AMOTL1: variants seen among roughly 807,000 people sequenced by gnomAD.
AMOTL1 encodes the protein angiomotin like 1.
In AMOTL1, 45 loss-of-function variants were observed where a neutral mutation model predicts 102.9. The ratio of observed to expected loss-of-function variants is 0.44; its 90% CI spans 0.34 to 0.56. The LOEUF is 0.56. Among genes scored for constraint, AMOTL1 ranks in the 20% least tolerant of loss-of-function variants. The pLI is 0.01. For synonymous variants in AMOTL1, 481 were observed against 484.7 expected, an observed-to-expected ratio of 0.99 and a Z score of 0.10; for missense variants, 1,114 against 1,225.6, an observed-to-expected ratio of 0.91 and a Z score of 1.36.
chr11:94,809,544 T>G (rs1166510650), intron 3 of AMOTL1, among the ~76,000 whole-genome samples: 3 of 152,242 alleles, frequency 2.0e-5, no homozygotes, highest in Admixed American at 2.0e-4. Context: ...CTGTGATTCT[T>G]AGCTCATGGT....
intron 2 of AMOTL1, among the ~76,000 whole-genome samples, chr11:94,733,161 A>G (rs1340890985): frequency 1.3e-5 from 2 of 152,150 alleles, no homozygotes; most frequent in African/African-American, 4.8e-5. Context: ...AGGTCTTCAT[A>G]CTCCAGAGCT....
rs953038707 is a variant in AMOTL1, at chr11:94,871,860, C to T, written c.*1065C>T. On this transcript the variant is annotated 3_prime_UTR_variant, in exon 13 of 13. Transcript: ENST00000433060. ...TGTTTGGGGAAGACTTAGGACAGCA[C>T]TCCAGGAAACAGATGACAATTTACA... 1.3e-5 allele frequency: 2 copies of T among 152,102 alleles called. No individual in the cohort carries two copies. Among genetic ancestry groups the T allele is most frequent in the Non-Finnish European group, 2.9e-5 (2 of 68,028 alleles). The allele number at this position is 152,102 out of a possible 1,614,324, so 9.4% of individuals were successfully genotyped here.
At position 94,821,421 on chromosome 11, in the gene AMOTL1, T is replaced by C. The variant is rs1030675459; in HGVS notation, c.1122-109T>C. 4 of 1,186,620 alleles carry C rather than the reference T, an allele frequency of 3.4e-6. No homozygotes were observed. In the East Asian group the frequency reaches 1.0e-4, roughly 30 times the overall value. The allele number at this position is 1,186,620 out of a possible 1,614,324, so 73.5% of individuals were successfully genotyped here. ...GAATACCTCCCACTGGGAAGTGCAC[T>C]GATGGCCTCTGACCATGGAAGCCAT... On this transcript the variant is annotated intron_variant, in intron 3 of 12. Coordinates refer to ENST00000433060, the MANE Select transcript of AMOTL1 (RefSeq NM_130847.3).
At chr11:94,774,711 C>T (rs942305524) in intron 1 of AMOTL1, among the ~76,000 whole-genome samples, 4 of 152,170 alleles carry the variant, frequency 2.6e-5, no homozygotes, top group African/African-American at 4.8e-5. Flanking sequence ...ATTTCTAACA[C>T]GTTTCCAAGC....
At chr11:94,706,538 C>T (rs1017453504) in exon 1 of AMOTL1, 6 of 152,238 alleles carry the variant, frequency 3.9e-5, no homozygotes, top group Admixed American at 6.5e-5. Flanking sequence ...CTGTGAGTCC[C>T]TGTCACTTCT....
rs779742414 is a variant in AMOTL1, at chr11:94,866,083, TG to T, written c.2406del (p.Thr803HisfsTer27). On this transcript the variant is annotated frameshift_variant, in exon 11 of 13. Coordinates refer to ENST00000433060, the MANE Select transcript of AMOTL1 (RefSeq NM_130847.3). LOFTEE classifies it high-confidence loss of function. ...RSVPSIAAAT[G>X]THSRQTSLTS... ...CCGTTCCATCCATAGCAGCAGCTAC[TG>T]GGACACACTCTCGCCAGACCTCTCT... 4.3e-6 allele frequency: 7 copies of T among 1,613,990 alleles called. No homozygotes were observed.
chr11:94,763,470 G>T (rs1006867983), upstream of AMOTL1, among the ~76,000 whole-genome samples: 1 of 152,146 alleles, frequency 6.6e-6, no homozygotes, highest in South Asian at 2.1e-4. Flanking sequence ...ACACACTAGA[G>T]TTGACCCTTG....
intron 8 of AMOTL1, among the ~76,000 whole-genome samples, chr11:94,857,463 T>A (rs1204389212): frequency 6.6e-6 from 1 of 152,130 alleles, no homozygotes; most frequent in Non-Finnish European, 1.5e-5. Flanking sequence ...AAAGAAAAGC[T>A]CTTAATCAAC....
At chr11:94,707,238 C>CTGTG (rs1949943706) in intron 1 of AMOTL1, among the ~76,000 whole-genome samples, 1 of 82,906 alleles carries the variant, frequency 1.2e-5, no homozygotes, top group African/African-American at 3.4e-5. Context: ...CTCTCTCTCT[C>CTGTG]TCTCTCTCTC....
intron 7 of AMOTL1, 139 bp downstream of exon 7, chr11:94,850,398 C>G: frequency 8.3e-7 from 1 of 1,202,632 alleles, no homozygotes; most frequent in Non-Finnish European, 1.1e-6. Context: ...TGGGAAACTT[C>G]TCAAATAAAA....
Position 94,800,233 on chromosome 11 carries a change from C to G in AMOTL1, c.1043C>G (p.Pro348Arg), listed in dbSNP as rs1565357621. 9 of 1,613,992 alleles carry G rather than the reference C, an allele frequency of 5.6e-6. No homozygotes were observed. Among genetic ancestry groups the G allele is most frequent in the Non-Finnish European group, 7.6e-6 (9 of 1,179,880 alleles). Residue 348 changes from proline (P) to arginine (R), a missense_variant, in exon 3 of 13, where the codon CCC becomes CGC. By Grantham distance (103) the Pro-to-Arg change is moderately radical. Transcript: ENST00000433060. ...GGGATGCTCCACGAGATGGTCAAGCCCTACCCTGCTCCTCAGCCTGTGAGA... is the reference window on the plus strand; with the variant it reads ...GGGATGCTCCACGAGATGGTCAAGCGCTACCCTGCTCCTCAGCCTGTGAGA... ...HPGMLHEMVK[P>R]YPAPQPVRTD...
At chr11:94,846,055 G>A (rs981802360) in intron 6 of AMOTL1, among the ~76,000 whole-genome samples, 2 of 152,138 alleles carry the variant, frequency 1.3e-5, no homozygotes, top group Non-Finnish European at 2.9e-5. Flanking sequence ...GTTATCTCCC[G>A]AAGGATGACT....
chr11:94,767,235 G>A (rs1950865881), upstream of AMOTL1, among the ~76,000 whole-genome samples: 1 of 152,134 alleles, frequency 6.6e-6, no homozygotes, highest in South Asian at 2.1e-4. Flanking sequence ...GTGTGTACCA[G>A]GGTAGATGAC....
chr11:94,719,382 A>G lies in AMOTL1; in HGVS notation c.-50-9539A>G, dbSNP rs1950142547. ...GGGGTGTATGATAAAAAATTACTAAATAAGTATAATGTACATTATATGAGT... is the reference window on the plus strand; with the variant it reads ...GGGGTGTATGATAAAAAATTACTAAGTAAGTATAATGTACATTATATGAGT... On this transcript the variant is annotated intron_variant, in intron 1 of 4. Transcript: ENST00000299004. Among the ~76,000 whole-genome samples, 5 of 152,198 alleles carry G rather than the reference A, an allele frequency of 3.3e-5. No individual in the cohort carries two copies. The South Asian group carries it at 1.0e-3, about 32-fold the overall frequency.
chr11:94,744,685 C>A (rs1460710626), intron 3 of AMOTL1, among the ~76,000 whole-genome samples: 16 of 152,090 alleles, frequency 1.1e-4, no homozygotes, highest in Admixed American at 1.0e-3. Context: ...CTATTTATTT[C>A]TGCACCTACA....
chr11:94,745,939 T>C (rs1398145145), intron 3 of AMOTL1, among the ~76,000 whole-genome samples: 1 of 152,168 alleles, frequency 6.6e-6, no homozygotes, highest in South Asian at 2.1e-4. Context: ...TATTTAGTGA[T>C]TCGTCCCTGG....
intron 1 of AMOTL1, among the ~76,000 whole-genome samples, chr11:94,708,441 T>A (rs192719146): frequency 1.9e-3 from 291 of 152,316 alleles, no homozygotes; most frequent in Non-Finnish European, 2.1e-3. Flanking sequence ...TCCCAGCTTC[T>A]CCACCTCCCG....
At chr11:94,835,892 T>G (rs1175136114) in intron 6 of AMOTL1, among the ~76,000 whole-genome samples, 1 of 152,338 alleles carries the variant, frequency 6.6e-6, no homozygotes, top group East Asian at 1.9e-4. Context: ...ATGCATTTGA[T>G]TTCCCTTAAA....
At chr11:94,830,665 C>T (rs921233684) in intron 5 of AMOTL1, among the ~76,000 whole-genome samples, 7 of 152,240 alleles carry the variant, frequency 4.6e-5, no homozygotes, top group Admixed American at 4.6e-4. Flanking sequence ...GGAAAAAGTC[C>T]CCACAGTTGT....
Sources: gnomAD v4.1 joint callset for allele counts (sites outside exome capture counted in the v4.1 genomes callset) on GRCh38, gnomAD v4.1.1 for gene constraint, MANE v1.5 for transcripts, NCBI Gene and HGNC (gene_info 2026-07-23, HGNC 2026-07-21) for gene names.